Variants in RFX2 observed in about 807,000 individuals in gnomAD.
RFX2 encodes the protein DNA-binding protein RFX2.
In RFX2, 20 loss-of-function variants were observed where a neutral mutation model predicts 87.8. The observed-to-expected ratio is 0.23, with a 90% CI of 0.16 to 0.33. The LOEUF (loss-of-function observed/expected upper bound fraction) is 0.33, where lower values mean the gene tolerates loss of function less well. Ranked by LOEUF, RFX2 falls within the 10% of genes least tolerant of loss-of-function variation. The pLI is 1.00. For synonymous variants in RFX2, 397 were observed against 431.3 expected (o/e 0.92, Z 0.98); for missense variants, 767 against 1,012.3 (o/e 0.76, Z 3.29).
chr19:6,104,730 C>A (rs1568199440), intron 1 of RFX2, among the ~76,000 whole-genome samples: 2 of 152,148 alleles, frequency 1.3e-5, no homozygotes, highest in Non-Finnish European at 2.9e-5. Context: ...TTCATTTCTA[C>A]ATATGCTTTC....
At chr19:5,995,775 C>A in intron 16 of RFX2, 132 bp from the exon 17 acceptor site, 2 of 807,252 alleles carry the variant, frequency 2.5e-6, no homozygotes, top group South Asian at 1.5e-5. Context: ...GGGGCCTGCC[C>A]TGAAATGTGG....
chr19:5,997,168 G>A lies in RFX2; in HGVS notation c.1905C>T (p.Phe635=), dbSNP rs147306532. 3.1e-5 allele frequency: 50 copies of A among 1,613,378 alleles called. No homozygotes were observed. The highest frequency in any genetic ancestry group is 3.9e-5 in the Non-Finnish European group (46 of 1,179,988). ...GCAGGCGGATGAGGTGGAAGGAGCC[G>A]AAGCTGGCAGCGCTGCGCAGGGTCA... ...RDLTLRSAAS[F]GSFHLIRLLY... is the part of the protein sequence containing the mutation. Residue 635 remains phenylalanine (F), a synonymous_variant, in exon 16 of 18, where the codon TTC becomes TTT. Coordinates refer to ENST00000303657, the MANE Select transcript of RFX2 (RefSeq NM_000635.4). This position sits in a 1 kb window ranked among gnomAD's most constrained non-coding sequence, Gnocchi z 4.2.
intron 1 of RFX2, among the ~76,000 whole-genome samples, chr19:6,079,448 T>C (rs777238308): frequency 6.6e-6 from 1 of 152,230 alleles, no homozygotes. Context: ...ACAATGTATG[T>C]TTCCATTTAT....
intron 1 of RFX2, among the ~76,000 whole-genome samples, chr19:6,084,661 T>A (rs769634434): frequency 6.6e-6 from 1 of 150,384 alleles, no homozygotes; most frequent in African/African-American, 2.5e-5. Flanking sequence ...TGAGACAGAA[T>A]CTCGCTCTTG....
At chr19:6,005,832 G>A (rs1375151480) in intron 12 of RFX2, among the ~76,000 whole-genome samples, 1 of 152,178 alleles carries the variant, frequency 6.6e-6, no homozygotes, top group African/African-American at 2.4e-5. Context: ...TGGCACTCAG[G>A]ATGTGTCACA....
At chr19:6,038,164 T>G (rs2087048906) in intron 5 of RFX2, among the ~76,000 whole-genome samples, 1 of 151,438 alleles carries the variant, frequency 6.6e-6, no homozygotes, top group Admixed American at 6.6e-5. Context: ...CTGTCTGTAC[T>G]GAAAACACAA....
chr19:6,043,727 G>A (rs2087145622), intron 3 of RFX2, among the ~76,000 whole-genome samples: 1 of 152,234 alleles, frequency 6.6e-6, no homozygotes, highest in Non-Finnish European at 1.5e-5. Context: ...CTTCTAGAGT[G>A]TCCCCAAGCT....
In RFX2 at chr19:6,017,803, AC is replaced by A. The variant is rs947949651; in HGVS notation, c.598-1533del. Among the ~76,000 whole-genome samples the A allele has an allele frequency of 6.6e-6, 1 of 151,312 alleles. No homozygotes were observed. Among genetic ancestry groups the A allele is most frequent in the African/African-American group, 2.4e-5 (1 of 41,098 alleles). ...GGAAGCCCTTGTCCCTGTGCCCCGC[AC>A]ACCCCACAAGACACAAAGTAGGCGT... On this transcript the variant is annotated intron_variant, in intron 6 of 17. Coordinates refer to ENST00000303657, the MANE Select transcript of RFX2 (RefSeq NM_000635.4). This position sits in a 1 kb window ranked among gnomAD's most constrained non-coding sequence, Gnocchi z 4.1.
chr19:6,079,085 A>G (rs1049329918), intron 1 of RFX2, among the ~76,000 whole-genome samples: 17 of 152,226 alleles, frequency 1.1e-4, no homozygotes, highest in Admixed American at 2.6e-4. Context: ...CATTACTTGC[A>G]TATCATTTTA....
At chr19:6,098,746 G>C (rs1283473566) in intron 1 of RFX2, among the ~76,000 whole-genome samples, 1 of 152,074 alleles carries the variant, frequency 6.6e-6, no homozygotes, top group Admixed American at 6.5e-5. Flanking sequence ...TCCACGTGTT[G>C]GGAAATGCTT....
chr19:6,071,578 CA>C (rs1469114668), intron 1 of RFX2, among the ~76,000 whole-genome samples: 1 of 152,178 alleles, frequency 6.6e-6, no homozygotes, highest in Non-Finnish European at 1.5e-5. Context: ...CCATCCAACC[CA>C]ATGAGAACGA....
chr19:6,043,935 C>T (rs1383803312), intron 3 of RFX2, among the ~76,000 whole-genome samples: 1 of 152,224 alleles, frequency 6.6e-6, no homozygotes, highest in East Asian at 1.9e-4. Flanking sequence ...GTGCGGGGTG[C>T]TCACTGGTTC....
chr19:6,051,942 G>C (rs1190229973), intron 1 of RFX2, among the ~76,000 whole-genome samples: 1 of 152,024 alleles, frequency 6.6e-6, no homozygotes, highest in Admixed American at 6.6e-5. Context: ...CAGTGCCACA[G>C]TCTCAGCTCA....
chr19:6,001,663 C>T lies in RFX2; in HGVS notation c.1859+152G>A. ...GCTGGTCATGAGTGAGGCCCCCAGCCAGGTAGTTGTTTTTTGCGGGTTCAG... is the reference window on the plus strand; with the variant it reads ...GCTGGTCATGAGTGAGGCCCCCAGCTAGGTAGTTGTTTTTTGCGGGTTCAG... On this transcript the variant is annotated intron_variant, in intron 15 of 17. Coordinates refer to ENST00000303657, the MANE Select transcript of RFX2 (RefSeq NM_000635.4). The surrounding 1 kb of genome is among the most constrained non-coding windows in gnomAD (Gnocchi z 5.6). The T allele has an allele frequency of 1.6e-6, 1 of 639,566 alleles. No homozygotes were observed. The highest frequency in any genetic ancestry group is 2.6e-6 in the Non-Finnish European group (1 of 388,012). The allele number at this position is 639,566 out of a possible 1,614,324, so 39.6% of individuals were successfully genotyped here. A position where few individuals can be genotyped will look rare whatever the true frequency, so the allele number is the denominator to read the frequency against.
At chr19:6,018,954 G>A (rs116834145) in intron 6 of RFX2, among the ~76,000 whole-genome samples, 3,515 of 152,274 alleles carry the variant, frequency 0.023, 145 homozygotes, top group African/African-American at 0.081. Context: ...CACTCAAGTA[G>A]CCTATCACCT....
In RFX2 at chr19:6,011,049, G is replaced by A. The variant is rs1030774680; in HGVS notation, c.900-798C>T. ...GAGAATCACTTGAACCTGGGAGGCA[G>A]AGGTTGCAGTGAGCCGAGTTCACGC... On this transcript the variant is annotated intron_variant, in intron 8 of 17. Coordinates refer to ENST00000303657, the MANE Select transcript of RFX2 (RefSeq NM_000635.4). The surrounding 1 kb of genome is among the most constrained non-coding windows in gnomAD (Gnocchi z 4.8). Among the ~76,000 whole-genome samples, 1 of 152,148 alleles carries A rather than the reference G, an allele frequency of 6.6e-6. No homozygotes were observed. The highest frequency in any genetic ancestry group is 1.5e-5 in the Non-Finnish European group (1 of 68,034).
In RFX2 at chr19:6,081,611, AT is replaced by A. The variant is rs571917952; in HGVS notation, c.-9+28781del. Among the ~76,000 whole-genome samples, 833 of 152,366 alleles carry A rather than the reference AT, an allele frequency of 5.5e-3. 6 individuals are homozygous for A. The highest frequency in any genetic ancestry group is 0.019 in the African/African-American group (795 of 41,574). On this transcript the variant is annotated intron_variant, in intron 1 of 17. Coordinates refer to ENST00000303657, the MANE Select transcript of RFX2 (RefSeq NM_000635.4). ...GGCTTACATGTACCATTATCCAAAAATTAAATAATTTGAGTGTACACTCACT... is the reference window on the plus strand; with the variant it reads ...GGCTTACATGTACCATTATCCAAAAATAAATAATTTGAGTGTACACTCACT...
chr19:6,069,266 A>G (rs1211287319), intron 1 of RFX2, among the ~76,000 whole-genome samples: 2 of 152,198 alleles, frequency 1.3e-5, no homozygotes, highest in African/African-American at 4.8e-5. Flanking sequence ...AACTAGAGCC[A>G]TCAATGTATA....
chr19:6,099,976 A>G (rs1205163073), intron 1 of RFX2, among the ~76,000 whole-genome samples: 1 of 152,196 alleles, frequency 6.6e-6, no homozygotes, highest in Non-Finnish European at 1.5e-5. Flanking sequence ...TGCACAGAAC[A>G]GTCTCCCCAA....
Sources: allele counts gnomAD v4.1 joint callset (sites outside exome capture counted in the v4.1 genomes callset), GRCh38; gene constraint gnomAD v4.1.1; non-coding constraint Gnocchi (gnomAD v3.1); transcripts MANE v1.5; gene names NCBI Gene and HGNC (gene_info 2026-07-23, HGNC 2026-07-21).